Variants in NALCN observed in about 807,000 individuals in gnomAD.
NALCN encodes sodium leak channel, non-selective, also known as sodium leak channel NALCN.
NALCN carries 111 observed loss-of-function variants against 225.3 expected under a neutral mutation model. The ratio of observed to expected loss-of-function variants is 0.49; its 90% CI spans 0.42 to 0.58. The LOEUF is 0.58. Among genes scored for constraint, NALCN ranks in the 20% least tolerant of loss-of-function variants. NALCN has a pLI of 0.00. For missense variants in NALCN, 1,378 were observed against 2,202.4 expected (o/e 0.63, Z 7.49); for synonymous variants, 764 against 769.0 (o/e 0.99, Z 0.11).
chr13:101,130,515 C>T (rs184488569), intron 17 of NALCN, among the ~76,000 whole-genome samples: 216 of 152,266 alleles, frequency 1.4e-3, no homozygotes, highest in African/African-American at 5.1e-3. Flanking sequence ...TAGTAGATTA[C>T]AGGTTCATTG....
chr13:101,073,500 C>T, intron 37 of NALCN, 84 bp downstream of exon 37: 1 of 1,160,522 alleles, frequency 8.6e-7, no homozygotes, highest in East Asian at 2.4e-5. Context: ...TTAACGCTAA[C>T]AAGGATGATC....
intron 1 of NALCN, among the ~76,000 whole-genome samples, chr13:101,406,660 A>AT (rs896269457): frequency 2.6e-5 from 4 of 152,126 alleles, no homozygotes; most frequent in Admixed American, 6.6e-5. Flanking sequence ...AAAAATGTCA[A>AT]TTTTTTTCTG....
At chr13:101,315,709 A>G (rs1296899568) in intron 7 of NALCN, among the ~76,000 whole-genome samples, 3 of 152,200 alleles carry the variant, frequency 2.0e-5, no homozygotes, top group Non-Finnish European at 4.4e-5. Context: ...AATATCAAGT[A>G]ATCATTAATA....
At chr13:101,375,389 G>A (rs1171041875) in intron 6 of NALCN, among the ~76,000 whole-genome samples, 9 of 152,072 alleles carry the variant, frequency 5.9e-5, no homozygotes, top group Non-Finnish European at 7.4e-5. Context: ...TTGGAATTGA[G>A]CCAAGCTTAT....
intron 7 of NALCN, among the ~76,000 whole-genome samples, chr13:101,315,015 G>C (rs529146832): frequency 9.8e-5 from 15 of 152,360 alleles, no homozygotes; most frequent in South Asian, 2.1e-4. Flanking sequence ...AAAGGAAAAG[G>C]GTTAACGATG....
intron 34 of NALCN, among the ~76,000 whole-genome samples, chr13:101,080,429 A>C (rs565193450): frequency 6.6e-6 from 1 of 151,316 alleles, no homozygotes; most frequent in Non-Finnish European, 1.5e-5. Flanking sequence ...GAAAATAATA[A>C]TACTTTGGAT....
intron 6 of NALCN, among the ~76,000 whole-genome samples, chr13:101,363,586 A>C (rs1317343764): frequency 1.3e-5 from 2 of 152,264 alleles, no homozygotes; most frequent in East Asian, 3.9e-4. Flanking sequence ...TCAAATAATA[A>C]AGGATTAAAG....
intron 41 of NALCN, among the ~76,000 whole-genome samples, chr13:101,060,954 C>A (rs912192524): frequency 6.6e-6 from 1 of 152,138 alleles, no homozygotes; most frequent in Non-Finnish European, 1.5e-5. Context: ...TCTCTGGGAA[C>A]CTTTTCTCCT....
intron 14 of NALCN, chr13:101,180,776 T>C (rs1359190512): frequency 1.6e-5 from 5 of 303,322 alleles, no homozygotes; most frequent in Admixed American, 4.1e-5. Flanking sequence ...CACACCTGTG[T>C]GGGTACCAAC....
intron 10 of NALCN, among the ~76,000 whole-genome samples, chr13:101,280,880 C>CT (rs201201516): frequency 0.27 from 28,598 of 107,314 alleles, 3,767 homozygotes; most frequent in Non-Finnish European, 0.34. Context: ...TTCTCTCTCT[C>CT]TCTTTTTTTT....
chr13:101,078,804 GT>G (rs2033434432), intron 34 of NALCN, among the ~76,000 whole-genome samples: 1 of 152,140 alleles, frequency 6.6e-6, no homozygotes, highest in African/African-American at 2.4e-5. Context: ...TTTGGGAGGG[GT>G]CCAGGCAGAA....
intron 7 of NALCN, among the ~76,000 whole-genome samples, chr13:101,335,142 G>T (rs1304031344): frequency 1.3e-5 from 2 of 152,050 alleles, no homozygotes; most frequent in Admixed American, 6.5e-5. Flanking sequence ...TTCACTGTCT[G>T]ATGAAAAACT....
intron 13 of NALCN, among the ~76,000 whole-genome samples, chr13:101,197,576 C>G (rs2140025954): frequency 6.6e-6 from 1 of 152,274 alleles, no homozygotes; most frequent in Middle Eastern, 3.4e-3. Context: ...AACATTATCA[C>G]ATATTAAACA....
chr13:101,328,313 A>C, intron 7 of NALCN, among the ~76,000 whole-genome samples: 1 of 151,574 alleles, frequency 6.6e-6, no homozygotes, highest in South Asian at 2.1e-4. Context: ...TGAGTACTGT[A>C]TTTTTTTTTC....
chr13:101,289,525 CAT>C (rs10549837), intron 9 of NALCN, among the ~76,000 whole-genome samples: 55,198 of 140,620 alleles, frequency 0.39, 10,498 homozygotes, highest in Admixed American at 0.45. Flanking sequence ...TGAAAATGTG[CAT>C]ATATATATAT....
At chr13:101,135,728 C>G (rs646169) in intron 17 of NALCN, among the ~76,000 whole-genome samples, 41,883 of 152,034 alleles carry the variant, frequency 0.28, 7,193 homozygotes, top group African/African-American at 0.47. Flanking sequence ...GACTTGGACT[C>G]AACACCATCA....
intron 2 of NALCN, among the ~76,000 whole-genome samples, chr13:101,397,204 C>T (rs2047335319): frequency 6.8e-6 from 1 of 147,868 alleles, no homozygotes; most frequent in South Asian, 2.1e-4. Flanking sequence ...TACATGTAAA[C>T]ACATGTAGTC....
intron 1 of NALCN, among the ~76,000 whole-genome samples, chr13:101,413,355 A>G (rs2047842219): frequency 6.6e-6 from 1 of 152,102 alleles, no homozygotes; most frequent in Non-Finnish European, 1.5e-5. Flanking sequence ...ACTGAAAAAC[A>G]TAAAATAGAA....
intron 11 of NALCN, among the ~76,000 whole-genome samples, chr13:101,251,945 CT>C (rs2042074769): frequency 1.3e-5 from 2 of 152,170 alleles, no homozygotes; most frequent in South Asian, 4.1e-4. Flanking sequence ...ATTTTTAGAT[CT>C]ATTGGAAACA....
Sources: gnomAD v4.1 joint callset for allele counts (sites outside exome capture counted in the v4.1 genomes callset) on GRCh38, gnomAD v4.1.1 for gene constraint, MANE v1.5 for transcripts, NCBI Gene and HGNC (gene_info 2026-07-23, HGNC 2026-07-21) for gene names.